Variants in LSAMP observed in about 807,000 individuals in gnomAD.
LSAMP encodes the protein limbic system associated membrane protein, also known as limbic system-associated membrane protein.
Under a neutral mutation model 38.6 loss-of-function variants are expected in LSAMP, and 7 were observed. That is an observed-to-expected ratio of 0.18 (90% CI 0.10 to 0.34). LSAMP has a LOEUF of 0.34. LSAMP is among the 10% of genes least tolerant of loss of function. The probability of loss-of-function intolerance (pLI) is 1.00; values close to 1 mark genes in which losing one functional copy is unlikely to be tolerated. For synonymous variants in LSAMP, 154 were observed against 166.8 expected (o/e 0.92, Z 0.59); for missense variants, 313 against 420.0 (o/e 0.75, Z 2.23).
intron 1 of LSAMP, among the ~76,000 whole-genome samples, chr3:116,418,392 C>T (rs1291746365): frequency 6.6e-6 from 1 of 152,164 alleles, no homozygotes; most frequent in African/African-American, 2.4e-5. Context: ...CTATTATTTG[C>T]AAGCTTGAAA....
At chr3:116,390,678 C>T (rs957430948) in intron 1 of LSAMP, among the ~76,000 whole-genome samples, 1 of 143,264 alleles carries the variant, frequency 7.0e-6, no homozygotes, top group Admixed American at 7.3e-5. Flanking sequence ...GTAGTGAGCC[C>T]ACATGACATT....
intron 2 of LSAMP, among the ~76,000 whole-genome samples, chr3:116,046,385 C>T (rs1288420790): frequency 6.6e-6 from 1 of 152,024 alleles, no homozygotes; most frequent in Admixed American, 6.5e-5. Context: ...ATGACTTCAC[C>T]TTTGGAAAAA....
At chr3:116,273,446 C>A (rs899461361) in intron 1 of LSAMP, among the ~76,000 whole-genome samples, 3 of 150,710 alleles carry the variant, frequency 2.0e-5, no homozygotes, top group African/African-American at 7.3e-5. Flanking sequence ...AAAAATTCAA[C>A]CCCAGAAATA....
chr3:116,430,435 T>A (rs1256630270), intron 1 of LSAMP, among the ~76,000 whole-genome samples: 2 of 152,180 alleles, frequency 1.3e-5, no homozygotes, highest in Non-Finnish European at 2.9e-5. Flanking sequence ...CCCATTTCAA[T>A]CTTCTACTCC....
intron 1 of LSAMP, among the ~76,000 whole-genome samples, chr3:116,372,774 C>T (rs2048445897): frequency 6.6e-6 from 1 of 150,408 alleles, no homozygotes; most frequent in Non-Finnish European, 1.5e-5. Flanking sequence ...CTAATAAGCA[C>T]AGGAAAAGAT....
intron 1 of LSAMP, among the ~76,000 whole-genome samples, chr3:116,409,497 A>G (rs1400894396): frequency 6.6e-6 from 1 of 152,070 alleles, no homozygotes; most frequent in Non-Finnish European, 1.5e-5. Context: ...GACCTGAGGA[A>G]GTCAGAACAA....
At chr3:115,856,166 G>A (rs1031605427) in intron 3 of LSAMP, among the ~76,000 whole-genome samples, 1 of 152,188 alleles carries the variant, frequency 6.6e-6, no homozygotes, top group East Asian at 1.9e-4. Flanking sequence ...ATAAATGTTT[G>A]TTGAGTTAGC....
intron 1 of LSAMP, among the ~76,000 whole-genome samples, chr3:116,323,795 C>T (rs1393855449): frequency 6.6e-6 from 1 of 152,120 alleles, no homozygotes; most frequent in East Asian, 1.9e-4. Flanking sequence ...ACTTTCTGAG[C>T]ACAGACACCA....
At chr3:115,902,586 C>G (rs1936904149) in intron 3 of LSAMP, among the ~76,000 whole-genome samples, 1 of 152,040 alleles carries the variant, frequency 6.6e-6, no homozygotes, top group African/African-American at 2.4e-5. Flanking sequence ...TATTTGCAAA[C>G]TATGCATCTG....
intron 1 of LSAMP, among the ~76,000 whole-genome samples, chr3:116,269,554 C>G (rs78894560): frequency 1.3e-5 from 2 of 151,862 alleles, no homozygotes; most frequent in African/African-American, 2.4e-5. Flanking sequence ...ATTTTCTTTA[C>G]GTAATTCTGT....
At chr3:116,272,208 G>A (rs576146116) in intron 1 of LSAMP, among the ~76,000 whole-genome samples, 1 of 152,142 alleles carries the variant, frequency 6.6e-6, no homozygotes, top group African/African-American at 2.4e-5. Context: ...TAACACTTCT[G>A]CCCAGTGATG....
chr3:116,150,282 G>T (rs754240821), intron 1 of LSAMP, among the ~76,000 whole-genome samples: 1 of 151,978 alleles, frequency 6.6e-6, no homozygotes, highest in Non-Finnish European at 1.5e-5. Flanking sequence ...TCATAAAGTG[G>T]AAGTTCTTTA....
chr3:116,124,256 C>T (rs1708955726), intron 1 of LSAMP, among the ~76,000 whole-genome samples: 1 of 152,102 alleles, frequency 6.6e-6, no homozygotes, highest in African/African-American at 2.4e-5. Flanking sequence ...TGAAATTTGC[C>T]TAGTTTGAAT....
chr3:116,116,226 A>G (rs1232506017), intron 1 of LSAMP, among the ~76,000 whole-genome samples: 9 of 150,050 alleles, frequency 6.0e-5, no homozygotes, highest in Non-Finnish European at 1.2e-4. Flanking sequence ...AGCATCTCTC[A>G]TTTCACGGGT....
In LSAMP at chr3:115,805,067, C is replaced by T. The variant is rs1305351932; in HGVS notation, c.*5250G>A. Reference sequence around the variant, plus strand: ...CAAGGTTTAGGTCACTTCCTTGGAGCTATTTAAATAAGACATCTTAGATGG... The same window carrying T: ...CAAGGTTTAGGTCACTTCCTTGGAGTTATTTAAATAAGACATCTTAGATGG... On this transcript the variant is annotated 3_prime_UTR_variant, in exon 7 of 7. Transcript: ENST00000490035. 6.6e-6 allele frequency: 1 copy of T among 152,124 alleles called. No individual in the cohort carries two copies. The highest frequency in any genetic ancestry group is 2.4e-5 in the African/African-American group (1 of 41,420). The allele number at this position is 152,124 out of a possible 1,614,324, so 9.4% of individuals were successfully genotyped here.
At chr3:116,125,809 A>G (rs985188921) in intron 1 of LSAMP, among the ~76,000 whole-genome samples, 3 of 152,324 alleles carry the variant, frequency 2.0e-5, no homozygotes, top group Admixed American at 1.3e-4. Context: ...GGCAACAATG[A>G]AAACTGAAAA....
Position 116,017,117 on chromosome 3 carries a change from T to C in LSAMP, c.514+2398A>G, listed in dbSNP as rs577879421. On this transcript the variant is annotated intron_variant, in intron 3 of 6. Transcript: ENST00000490035. ...TCACATGTTCATTATCATGGGAAAG[T>C]TTATGAGAGTTAGTTATGACTACCC... Among the ~76,000 whole-genome samples the C allele has an allele frequency of 2.0e-5, 3 of 152,214 alleles. No individual in the cohort carries two copies. The East Asian group carries it at 5.8e-4, about 29-fold the overall frequency.
At chr3:115,953,444 A>ACACACACACACACAC (rs1224815803) in intron 3 of LSAMP, among the ~76,000 whole-genome samples, 3 of 97,120 alleles carry the variant, frequency 3.1e-5, no homozygotes, top group East Asian at 5.9e-4. Flanking sequence ...CACACACACA[A>ACACACACACACACAC]TGTCTAAAAT....
At chr3:116,136,014 C>T (rs970242046) in intron 1 of LSAMP, among the ~76,000 whole-genome samples, 50 of 152,044 alleles carry the variant, frequency 3.3e-4, no homozygotes, top group Non-Finnish European at 6.6e-4. Context: ...TTAAGTAGCA[C>T]TAAAGCTTAA....
Sources: allele counts gnomAD v4.1 joint callset (sites outside exome capture counted in the v4.1 genomes callset), GRCh38; gene constraint gnomAD v4.1.1; transcripts MANE v1.5; gene names NCBI Gene and HGNC (gene_info 2026-07-23, HGNC 2026-07-21).